Variants in CSTF3 observed in about 807,000 individuals in gnomAD.
CSTF3 encodes the protein CF-1 77 kDa subunit.
Under a neutral mutation model 105.8 loss-of-function variants are expected in CSTF3, and 29 were observed. The observed-to-expected ratio is 0.27, with a 90% CI of 0.20 to 0.37. CSTF3 has a LOEUF of 0.37. CSTF3 is among the 10% of genes least tolerant of loss of function. The probability of loss-of-function intolerance (pLI) is 1.00; values close to 1 mark genes in which losing one functional copy is unlikely to be tolerated. For missense variants in CSTF3, 357 were observed against 879.3 expected (o/e 0.41, Z 7.51); for synonymous variants, 252 against 281.9 (o/e 0.89, Z 1.06).
At chr11:33,141,012 T>G (rs1473206545) in intron 3 of CSTF3, 1 of 152,030 alleles carries the variant, frequency 6.6e-6, no homozygotes, top group Non-Finnish European at 1.5e-5. Flanking sequence ...CCTTACTCTT[T>G]AAAATATACA....
chr11:33,090,706 T>G lies in CSTF3; in HGVS notation c.1467A>C (p.Leu489=), dbSNP rs763532984. 1.2e-5 allele frequency: 18 copies of G among 1,547,582 alleles called. No homozygotes were observed. Among genetic ancestry groups the G allele is most frequent in the Non-Finnish European group, 1.5e-5 (17 of 1,150,568 alleles). ...GATCACCAATATTACTTTCAAATGC[T>G]AGAAATCGGGCCCAGATTTCTCTGC... ...EKSGEIWARF[L]AFESNIGDLA... is the part of the protein sequence containing the mutation. Residue 489 remains leucine (L), a synonymous_variant, in exon 17 of 21, where the codon CTA becomes CTC. Transcript: ENST00000323959.
intron 3 of CSTF3, chr11:33,136,273 C>T (rs1448368896): frequency 6.6e-6 from 1 of 151,920 alleles, no homozygotes; most frequent in Admixed American, 6.6e-5. Flanking sequence ...ATTATACAAA[C>T]CAACTATTTG....
At chr11:33,107,865 G>C in intron 5 of CSTF3, 38 bp downstream of exon 5, 1 of 1,206,174 alleles carries the variant, frequency 8.3e-7, no homozygotes, top group Non-Finnish European at 1.2e-6. Flanking sequence ...TGTGTGCCTG[G>C]AGATGACTTG....
intron 3 of CSTF3, among the ~76,000 whole-genome samples, chr11:33,111,415 T>C (rs1405681022): frequency 3.9e-5 from 6 of 152,128 alleles, no homozygotes; most frequent in Admixed American, 3.9e-4. Context: ...TGGGAGGAAT[T>C]GCCACAAGAT....
rs1855084231 is a variant in CSTF3 at position 33,084,711 on chromosome 11, T to C, written c.*376A>G. 2 of 210,594 alleles carry C rather than the reference T, an allele frequency of 9.5e-6. No individual in the cohort carries two copies. Among genetic ancestry groups the C allele is most frequent in the African/African-American group, 2.3e-5 (1 of 43,590 alleles). 13.0% of individuals were successfully genotyped at this position (210,594 alleles called of 1,614,324 possible). On this transcript the variant is annotated 3_prime_UTR_variant, in exon 21 of 21. Coordinates refer to ENST00000323959, the MANE Select transcript of CSTF3 (RefSeq NM_001326.3). ...CTCTACATAAGCAAACCAAGAACAA[T>C]TGTTTTCAGAAAATGTGATAAAATG...
chr11:33,133,459 A>C (rs183354330), intron 3 of CSTF3, among the ~76,000 whole-genome samples: 121 of 152,366 alleles, frequency 7.9e-4, no homozygotes, highest in Non-Finnish European at 1.3e-4. Context: ...GGACAAATGA[A>C]CATTACTACG....
intron 3 of CSTF3, among the ~76,000 whole-genome samples, chr11:33,130,677 C>G (rs148441455): frequency 6.6e-5 from 10 of 152,170 alleles, no homozygotes; most frequent in Admixed American, 6.5e-4. Flanking sequence ...TAATTCCTAA[C>G]CCAGAAACAG....
chr11:33,137,403 T>C (rs965270940), intron 3 of CSTF3, among the ~76,000 whole-genome samples: 5 of 151,896 alleles, frequency 3.3e-5, no homozygotes, highest in African/African-American at 4.8e-5. Flanking sequence ...AAAAAATGTA[T>C]AGACCATGTT....
In CSTF3 at chr11:33,099,727, G is replaced by A. The variant is rs753193999; in HGVS notation, c.827-10C>T. On this transcript the variant is annotated splice_polypyrimidine_tract_variant and intron_variant, in intron 10 of 20. Transcript: ENST00000323959. The surrounding 1 kb of genome is among the most constrained non-coding windows in gnomAD (Gnocchi z 4.1). ...TCATAAGCAAACATAACTAAGGGAA[G>A]AAATTAACAAACAATATTCAATTAA... is the stretch of plus-strand genomic sequence containing the variant. 6.7e-7 allele frequency: 1 copy of A among 1,500,578 alleles called. No homozygotes were observed. Among genetic ancestry groups the A allele is most frequent in the Non-Finnish European group, 9.1e-7 (1 of 1,098,874 alleles). The allele number at this position is 1,500,578 out of a possible 1,614,324, so 93.0% of individuals were successfully genotyped here. A position where few individuals can be genotyped will look rare whatever the true frequency, so the allele number is the denominator to read the frequency against.
intron 3 of CSTF3, among the ~76,000 whole-genome samples, chr11:33,138,229 A>G (rs1443184126): frequency 6.6e-6 from 1 of 151,810 alleles, no homozygotes; most frequent in African/African-American, 2.4e-5. Context: ...CCAATAAAAA[A>G]CATGCTTCAG....
At chr11:33,122,753 A>G (rs1410753542) in intron 3 of CSTF3, among the ~76,000 whole-genome samples, 1 of 151,706 alleles carries the variant, frequency 6.6e-6, no homozygotes, top group Non-Finnish European at 1.5e-5. Context: ...TGTCTCTACA[A>G]AAAAATACAA....
chr11:33,142,131 T>C, intron 1 of CSTF3, 145 bp from the exon 2 acceptor site: 1 of 1,390,834 alleles, frequency 7.2e-7, no homozygotes. Context: ...GTGTGTTTCC[T>C]AGAACCGATG....
rs199822358 is a variant in CSTF3 at position 33,161,287 on chromosome 11, C to T, written c.27+12G>A. ...GAGGTCGCCACGAGGCCCCACCACT[C>T]TCCTTCCTCACCTGCTCCGTGGCTC... On this transcript the variant is annotated intron_variant, in intron 1 of 20. Transcript: ENST00000323959. The T allele has an allele frequency of 4.3e-6, 7 of 1,613,364 alleles. No individual in the cohort carries two copies. The highest frequency in any genetic ancestry group is 4.0e-5 in the African/African-American group (3 of 75,052).
chr11:33,110,014 T>C (rs942638446), intron 3 of CSTF3, among the ~76,000 whole-genome samples: 1 of 152,222 alleles, frequency 6.6e-6, no homozygotes, highest in Non-Finnish European at 1.5e-5. Flanking sequence ...GGTTTTAGAC[T>C]CCAGAGTTTT....
At chr11:33,135,056 C>T (rs1384757453) in intron 3 of CSTF3, among the ~76,000 whole-genome samples, 2 of 152,176 alleles carry the variant, frequency 1.3e-5, no homozygotes, top group African/African-American at 2.4e-5. Context: ...TTAGATGATT[C>T]TCCCGTAACA....
At chr11:33,102,558 G>A (rs925128983) in intron 9 of CSTF3, among the ~76,000 whole-genome samples, 1 of 152,114 alleles carries the variant, frequency 6.6e-6, no homozygotes, top group Non-Finnish European at 1.5e-5. Context: ...ACACCCATGG[G>A]CCCTCTCTGT....
intron 3 of CSTF3, among the ~76,000 whole-genome samples, chr11:33,130,232 G>C (rs554969668): frequency 2.0e-4 from 31 of 152,138 alleles, no homozygotes; most frequent in African/African-American, 7.5e-4. Context: ...CAGCATTTTC[G>C]GAGGCCTAGG....
chr11:33,152,535 T>C (rs773094579), intron 1 of CSTF3, among the ~76,000 whole-genome samples: 8 of 152,232 alleles, frequency 5.3e-5, no homozygotes, highest in Non-Finnish European at 7.3e-5. Flanking sequence ...CCACTTTCCA[T>C]GTTTAACCGT....
chr11:33,137,530 A>G (rs1855667762), intron 3 of CSTF3, among the ~76,000 whole-genome samples: 1 of 151,838 alleles, frequency 6.6e-6, no homozygotes, highest in Non-Finnish European at 1.5e-5. Context: ...CAACATGCAA[A>G]TATTTCCTTT....
Sources: gnomAD v4.1 joint callset for allele counts (sites outside exome capture counted in the v4.1 genomes callset) on GRCh38, gnomAD v4.1.1 for gene constraint, Gnocchi (gnomAD v3.1) non-coding constraint, MANE v1.5 for transcripts, NCBI Gene and HGNC (gene_info 2026-07-23, HGNC 2026-07-21) for gene names.